The following RNLS variants were observed in gnomAD, a reference collection of about 807,000 sequenced individuals.
RNLS encodes renalase, FAD dependent amine oxidase.
RNLS carries 39 observed loss-of-function variants against 39.8 expected under a neutral mutation model. The observed-to-expected ratio is 0.98, with a 90% CI of 0.76 to 1.28. RNLS has a LOEUF of 1.28. Ranked by LOEUF, RNLS falls within the 50% of genes most tolerant of loss-of-function variation. RNLS has a pLI of 0.00. For missense variants in RNLS, 410 were observed against 413.3 expected, an observed-to-expected ratio of 0.99 and a Z score of 0.07; for synonymous variants, 147 against 150.7, an observed-to-expected ratio of 0.98 and a Z score of 0.18.
chr10:88,579,156 T>C (rs1256532725), intron 3 of RNLS, among the ~76,000 whole-genome samples: 2 of 152,140 alleles, frequency 1.3e-5, no homozygotes, highest in Non-Finnish European at 2.9e-5. Flanking sequence ...TCTGCAGCAA[T>C]ATGATTGGAC....
At chr10:88,254,935 A>C in the RNLS span, among the ~76,000 whole-genome samples, 2 of 152,252 alleles carry the variant, frequency 1.3e-5, no homozygotes, top group African/African-American at 4.8e-5. Flanking sequence ...GAATAAATAT[A>C]AAACACTCTC....
At chr10:88,187,172 ATATATAATATATATAATATATATAAT>A in the RNLS span, among the ~76,000 whole-genome samples, 1 of 53,754 alleles carries the variant, frequency 1.9e-5, no homozygotes, top group Non-Finnish European at 3.5e-5. Flanking sequence ...TATATAATAT[ATATATAATATATATAATATATATAAT>A]ATATATATAA....
At chr10:88,244,092 C>T in the RNLS span, among the ~76,000 whole-genome samples, 2 of 152,194 alleles carry the variant, frequency 1.3e-5, no homozygotes, top group African/African-American at 2.4e-5. Flanking sequence ...CAATGCTCTT[C>T]GGGCTTGTTA....
At chr10:88,491,020 C>T (rs1488371103) in intron 4 of RNLS, among the ~76,000 whole-genome samples, 1 of 152,062 alleles carries the variant, frequency 6.6e-6, no homozygotes, top group African/African-American at 2.4e-5. Context: ...ATTTTTGTAT[C>T]TGTAAGAAAG....
At chr10:88,417,464 G>A (rs1261892283) in intron 4 of RNLS, among the ~76,000 whole-genome samples, 3 of 152,132 alleles carry the variant, frequency 2.0e-5, no homozygotes, top group Non-Finnish European at 2.9e-5. Context: ...ATTTTTATCA[G>A]TAAAACTTTA....
intron 4 of RNLS, among the ~76,000 whole-genome samples, chr10:88,459,297 T>C (rs1416150145): frequency 6.6e-6 from 1 of 152,112 alleles, no homozygotes; most frequent in Admixed American, 6.6e-5. Flanking sequence ...AGGCATGTTT[T>C]TTGATGGAAA....
chr10:88,338,650 G>C (rs977113352), intron 5 of RNLS, among the ~76,000 whole-genome samples: 1 of 151,936 alleles, frequency 6.6e-6, no homozygotes, highest in African/African-American at 2.4e-5. Context: ...GAGCACGAGA[G>C]AACACTGAGC....
At chr10:88,319,516 C>G (rs1789170785) in intron 5 of RNLS, among the ~76,000 whole-genome samples, 1 of 151,590 alleles carries the variant, frequency 6.6e-6, no homozygotes, top group African/African-American at 2.4e-5. Flanking sequence ...AAGTTGAAAT[C>G]CAATACAAAG....
intron 4 of RNLS, among the ~76,000 whole-genome samples, chr10:88,566,132 CA>C (rs1335825844): frequency 2.0e-5 from 3 of 151,876 alleles, no homozygotes; most frequent in Non-Finnish European, 4.4e-5. Flanking sequence ...AAATGAAAAT[CA>C]TATCTGAGCA....
intron 4 of RNLS, among the ~76,000 whole-genome samples, chr10:88,416,720 A>G (rs1854052264): frequency 6.6e-6 from 1 of 152,204 alleles, no homozygotes; most frequent in Non-Finnish European, 1.5e-5. Context: ...TCTGCTTAAA[A>G]TTCAATTTGT....
downstream of RNLS, among the ~76,000 whole-genome samples, chr10:88,279,125 A>G (rs551719867): frequency 3.4e-4 from 52 of 152,300 alleles, no homozygotes; most frequent in African/African-American, 1.2e-3. Context: ...GAGCACAGCC[A>G]CAAACCACAG....
intron 4 of RNLS, among the ~76,000 whole-genome samples, chr10:88,410,335 CT>C (rs1323688671): frequency 1.3e-5 from 2 of 151,932 alleles, no homozygotes; most frequent in Non-Finnish European, 2.9e-5. Flanking sequence ...CCTTATTATA[CT>C]TTACTTTATT....
chr10:88,394,116 A>C (rs575537765), intron 4 of RNLS, among the ~76,000 whole-genome samples: 9 of 152,152 alleles, frequency 5.9e-5, no homozygotes, highest in African/African-American at 9.7e-5. Context: ...CAATACCATT[A>C]AGGACATAGG....
At chr10:88,272,033 A>G (rs1349313298), downstream of RNLS, among the ~76,000 whole-genome samples, 1 of 152,214 alleles carries the variant, frequency 6.6e-6, no homozygotes, top group Non-Finnish European at 1.5e-5. Context: ...AAGTGGCATT[A>G]TAGCAGGGAT....
the RNLS span, among the ~76,000 whole-genome samples, chr10:88,172,842 G>GTTTTTTTTTTTTTGTTTTTTTTT: frequency 2.3e-5 from 1 of 43,778 alleles, no homozygotes; most frequent in Non-Finnish European, 3.7e-5. Context: ...ATTTTGAGTT[G>GTTTTTTTTTTTTTGTTTTTTTTT]TTTTTTTTTT....
At chr10:88,220,405 G>A in the RNLS span, among the ~76,000 whole-genome samples, 4 of 152,098 alleles carry the variant, frequency 2.6e-5, no homozygotes, top group Non-Finnish European at 4.4e-5. Flanking sequence ...CTGGCACTTC[G>A]GTCTCATGCC....
At chr10:88,406,861 C>T (rs1408447089) in intron 4 of RNLS, among the ~76,000 whole-genome samples, 1 of 152,038 alleles carries the variant, frequency 6.6e-6, no homozygotes, top group Admixed American at 6.6e-5. Context: ...TGAAATACTA[C>T]ACAGCCATAA....
At chr10:88,383,814 CTATT>C (rs1474796200) in intron 4 of RNLS, among the ~76,000 whole-genome samples, 3 of 152,066 alleles carry the variant, frequency 2.0e-5, no homozygotes, top group African/African-American at 4.8e-5. Context: ...TTGACAGTAT[CTATT>C]TGTGTGAAAA....
rs1246983450 is a variant in RNLS at position 88,298,527 on chromosome 10, G to A, written c.877-13021C>T. ...ATTTTCGTGTGCAGTGTGATGTAAG[G>A]GTCCAGCTCACTCTTTTGTATGTGG... On this transcript the variant is annotated intron_variant, in intron 6 of 6. Coordinates refer to ENST00000331772, the MANE Select transcript of RNLS (RefSeq NM_001031709.3). Among the ~76,000 whole-genome samples the A allele has an allele frequency of 2.0e-5, 3 of 152,042 alleles. No individual in the cohort carries two copies. In the South Asian group the frequency reaches 6.2e-4, roughly 32 times the overall value.
Sources: gnomAD v4.1 joint callset for allele counts (sites outside exome capture counted in the v4.1 genomes callset) on GRCh38, gnomAD v4.1.1 for gene constraint, MANE v1.5 for transcripts, NCBI Gene and HGNC (gene_info 2026-07-23, HGNC 2026-07-21) for gene names.